Variants in TUBGCP5 observed in about 807,000 individuals in gnomAD.
TUBGCP5 encodes the protein tubulin gamma complex component 5.
TUBGCP5 carries 98 observed loss-of-function variants against 134.7 expected under a neutral mutation model. The ratio of observed to expected loss-of-function variants is 0.73; its 90% CI spans 0.62 to 0.86. The LOEUF (loss-of-function observed/expected upper bound fraction) is 0.86, where lower values mean the gene tolerates loss of function less well. TUBGCP5 is among the 40% of genes least tolerant of loss of function. TUBGCP5 has a pLI of 0.00. For missense variants in TUBGCP5, 1,150 were observed against 1,244.8 expected, an observed-to-expected ratio of 0.92 and a Z score of 1.15; for synonymous variants, 456 against 431.4, an observed-to-expected ratio of 1.06 and a Z score of -0.71.
At chr15:23,032,398 C>T (rs1428625324) in intron 4 of TUBGCP5, among the ~76,000 whole-genome samples, 1 of 152,090 alleles carries the variant, frequency 6.6e-6, no homozygotes, top group African/African-American at 2.4e-5. Flanking sequence ...TTTAAATAAT[C>T]TCTAGATTAC....
At chr15:22,984,653 G>T (rs76029416) in intron 23 of TUBGCP5, among the ~76,000 whole-genome samples, 1,808 of 152,000 alleles carry the variant, frequency 0.012, 34 homozygotes, top group African/African-American at 0.04. Flanking sequence ...TTTAAAAATG[G>T]TGCTAGAATA....
At chr15:23,036,026 G>A (rs2066570466) in intron 3 of TUBGCP5, among the ~76,000 whole-genome samples, 1 of 152,170 alleles carries the variant, frequency 6.6e-6, no homozygotes, top group Middle Eastern at 3.2e-3. Context: ...GCTTCCTCAG[G>A]CAGGAGAAAG....
intron 3 of TUBGCP5, 64 bp from the exon 4 acceptor site, chr15:23,032,888 G>A (rs755996215): frequency 7.4e-5 from 91 of 1,235,440 alleles, no homozygotes; most frequent in Non-Finnish European, 9.9e-5. Flanking sequence ...ACCAGATTGA[G>A]TAAAGATAAC....
At chr15:23,016,029 G>A (rs960819006) in intron 13 of TUBGCP5, among the ~76,000 whole-genome samples, 10 of 152,006 alleles carry the variant, frequency 6.6e-5, no homozygotes, top group Non-Finnish European at 1.0e-4. Flanking sequence ...AGGAAATGCC[G>A]GAAAAATAAT....
chr15:23,037,043 A>T (rs1254774398), intron 2 of TUBGCP5, 38 bp from the exon 3 acceptor site: 1 of 1,594,446 alleles, frequency 6.3e-7, no homozygotes, highest in Admixed American at 1.7e-5. Context: ...TATCTTAAAA[A>T]GATCTATAAG....
chr15:22,994,491 C>G (rs1017523023), downstream of TUBGCP5, among the ~76,000 whole-genome samples: 17 of 152,126 alleles, frequency 1.1e-4, no homozygotes, highest in Non-Finnish European at 1.6e-4. Context: ...GTAAAGATGT[C>G]TTTTCATTCA....
chr15:23,006,697 G>A (rs958885357), intron 16 of TUBGCP5, among the ~76,000 whole-genome samples: 4 of 152,152 alleles, frequency 2.6e-5, no homozygotes, highest in Admixed American at 2.6e-4. Context: ...GGGCAGGAGA[G>A]GACGAGCAGA....
chr15:23,015,928 A>G (rs1345212374), intron 13 of TUBGCP5, among the ~76,000 whole-genome samples: 1 of 152,204 alleles, frequency 6.6e-6, no homozygotes, highest in East Asian at 1.9e-4. Flanking sequence ...TGTAGAAATC[A>G]ATGTAGAAAT....
chr15:23,005,662 C>T (rs1016589143), intron 18 of TUBGCP5, 52 bp from the exon 19 acceptor site: 2 of 1,547,560 alleles, frequency 1.3e-6, no homozygotes, highest in African/African-American at 2.7e-5. Flanking sequence ...AACTCAAACC[C>T]CACTGCACCA....
intron 23 of TUBGCP5, among the ~76,000 whole-genome samples, chr15:22,987,998 A>C (rs1271680641): frequency 6.6e-6 from 1 of 150,770 alleles, no homozygotes; most frequent in Non-Finnish European, 1.5e-5. Flanking sequence ...AGAACCAGAC[A>C]GTGGGACCTC....
intron 22 of TUBGCP5, chr15:23,000,354 A>G: frequency 7.8e-7 from 1 of 1,286,660 alleles, no homozygotes; most frequent in South Asian, 3.1e-5. Context: ...GTTGTAATAA[A>G]TGGTATACCA....
rs183592762 is a variant in TUBGCP5, at chr15:23,002,529, G to A, written c.2927+536C>T. Among the ~76,000 whole-genome samples the A allele has an allele frequency of 2.0e-5, 3 of 152,296 alleles. No homozygotes were observed. The East Asian group carries it at 5.8e-4, about 29-fold the overall frequency. On this transcript the variant is annotated intron_variant, in intron 21 of 22. Coordinates refer to ENST00000615383, the MANE Select transcript of TUBGCP5 (RefSeq NM_052903.6). ...CCTGATTCAGTGCACTTGCCTATGTGATGTGTGTGAATAACAAACACTCTC... is the reference window on the plus strand; with the variant it reads ...CCTGATTCAGTGCACTTGCCTATGTAATGTGTGTGAATAACAAACACTCTC...
chr15:22,996,355 AT>A (rs2064079655), downstream of TUBGCP5, among the ~76,000 whole-genome samples: 1 of 152,058 alleles, frequency 6.6e-6, no homozygotes. Context: ...ATTAAAAAAA[AT>A]GTCTTGGGCT....
intron 16 of TUBGCP5, among the ~76,000 whole-genome samples, chr15:23,007,312 C>A (rs2064776974): frequency 6.6e-6 from 1 of 152,148 alleles, no homozygotes; most frequent in South Asian, 2.1e-4. Flanking sequence ...ATGGCATGAA[C>A]CCGGGAGGCG....
chr15:22,993,396 C>G (rs1220399453), intron 23 of TUBGCP5, among the ~76,000 whole-genome samples: 1 of 148,532 alleles, frequency 6.7e-6, no homozygotes, highest in Non-Finnish European at 1.5e-5. Flanking sequence ...CCGCGCCCAG[C>G]TGGAAACTCT....
At chr15:23,025,927 TAAAATG>T (rs1329022814) in intron 8 of TUBGCP5, among the ~76,000 whole-genome samples, 183 bp downstream of exon 8, 2 of 152,214 alleles carry the variant, frequency 1.3e-5, no homozygotes, top group African/African-American at 4.8e-5. Context: ...CTAAATTATT[TAAAATG>T]AAAATGAAGT....
chr15:22,987,882 C>T (rs369285564), intron 23 of TUBGCP5, among the ~76,000 whole-genome samples: 4 of 115,556 alleles, frequency 3.5e-5, no homozygotes, highest in East Asian at 2.5e-4. Context: ...GGTGACAGAG[C>T]GAGACTCCAT....
intron 23 of TUBGCP5, among the ~76,000 whole-genome samples, chr15:22,990,804 T>TA (rs1218230481): frequency 5.9e-5 from 9 of 152,132 alleles, no homozygotes; most frequent in Admixed American, 2.6e-4. Context: ...CTAAATCCAA[T>TA]AAGCAGTGTG....
At chr15:23,031,568 T>C (rs973725630) in intron 5 of TUBGCP5, among the ~76,000 whole-genome samples, 1 of 152,132 alleles carries the variant, frequency 6.6e-6, no homozygotes, top group African/African-American at 2.4e-5. Context: ...TCCGCCTACC[T>C]CAGCCTCCCA....
Sources: allele counts gnomAD v4.1 joint callset (sites outside exome capture counted in the v4.1 genomes callset), GRCh38; gene constraint gnomAD v4.1.1; transcripts MANE v1.5; gene names NCBI Gene and HGNC (gene_info 2026-07-23, HGNC 2026-07-21).